ZNF676: variants seen among roughly 807,000 people sequenced by gnomAD.
The protein encoded by ZNF676 is zinc finger protein 676.
In ZNF676, 4 loss-of-function variants were observed where a neutral mutation model predicts 6.0. The ratio of observed to expected loss-of-function variants is 0.67; its 90% CI spans 0.33 to 1.53. The LOEUF is 1.53. Among genes scored for constraint, ZNF676 ranks in the 40% most tolerant of loss-of-function variants. ZNF676 has a pLI of 0.06. For missense variants in ZNF676, 644 were observed against 679.7 expected, an observed-to-expected ratio of 0.95 and a Z score of 0.58; for synonymous variants, 198 against 223.1, an observed-to-expected ratio of 0.89 and a Z score of 1.00.
chr19:22,237,223 T>C, the ZNF676 span, among the ~76,000 whole-genome samples: 1 of 152,158 alleles, frequency 6.6e-6, no homozygotes, highest in African/African-American at 2.4e-5. Flanking sequence ...TCCAGCTCAC[T>C]CACAGGGGGG....
In ZNF676 at chr19:22,190,668, T is replaced by TATAC. The variant is rs1233210246; in HGVS notation, c.130+2347_130+2348insGTAT. On this transcript the variant is annotated intron_variant, in intron 2 of 2. Coordinates refer to ENST00000397121, the MANE Select transcript of ZNF676 (RefSeq NM_001001411.3). ...ATATATATATATATATATATATACA[T>TATAC]ACACACTTTAAGATATATGGTCATA... Among the ~76,000 whole-genome samples, 310 of 93,690 alleles carry TATAC rather than the reference T, an allele frequency of 3.3e-3. 2 individuals carry two copies. The highest frequency in any genetic ancestry group is 0.014 in the African/African-American group (286 of 21,120). The allele number at this position is 93,690 out of a possible 152,430, so 61.5% of individuals were successfully genotyped here.
At chr19:22,226,741 C>A in the ZNF676 span, among the ~76,000 whole-genome samples, 1 of 151,822 alleles carries the variant, frequency 6.6e-6, no homozygotes, top group Non-Finnish European at 1.5e-5. Flanking sequence ...GGATTACAGG[C>A]ACTCACCACC....
rs1484200798 is a variant in ZNF676 at position 22,179,983 on chromosome 19, ATAAC to A, written c.1730_1733del (p.Ser577IlefsTer126). The stretch of plus-strand genomic sequence containing the variant: ...TCTCTCCAGTATGAATTTTCTTATG[ATAAC>A]TAACAGTTGAGGATGACTTAAAAGC... On this transcript the variant is annotated frameshift_variant, in exon 3 of 3. Transcript: ENST00000397121. LOFTEE classifies it low-confidence loss of function (END_TRUNC). 2.5e-6 allele frequency: 4 copies of A among 1,610,924 alleles called. No individual in the cohort carries two copies. The African/African-American group carries it at 4.1e-5, about 16-fold the overall frequency.
At chr19:22,196,454 G>C in intron 1 of ZNF676, 146 bp downstream of exon 1, 1 of 1,454,514 alleles carries the variant, frequency 6.9e-7, no homozygotes, top group Non-Finnish European at 9.4e-7. Flanking sequence ...CCAGAAGCAA[G>C]GAGTCCACGA....
chr19:22,213,787 C>T (rs1265231655), intron 1 of ZNF676, among the ~76,000 whole-genome samples: 4 of 152,280 alleles, frequency 2.6e-5, no homozygotes, highest in African/African-American at 9.6e-5. Context: ...CTGATATTCA[C>T]TAGATACTCT....
chr19:22,224,169 T>C, the ZNF676 span, among the ~76,000 whole-genome samples: 1 of 148,706 alleles, frequency 6.7e-6, no homozygotes, highest in Admixed American at 6.9e-5. Context: ...ATTTTTGTAA[T>C]GGTACATCAA....
At chr19:22,232,979 T>C in the ZNF676 span, among the ~76,000 whole-genome samples, 3 of 152,208 alleles carry the variant, frequency 2.0e-5, no homozygotes, top group East Asian at 5.8e-4. Context: ...AAATACCCAA[T>C]AATCTTCAAA....
the ZNF676 span, among the ~76,000 whole-genome samples, chr19:22,230,972 G>A: frequency 6.6e-6 from 1 of 151,378 alleles, no homozygotes; most frequent in Admixed American, 6.6e-5. Flanking sequence ...AAAAAAGGGG[G>A]GATTATTTTC....
In ZNF676 at chr19:22,196,834, A is replaced by C; in HGVS notation, c.-201T>G. 1 of 1,000,876 alleles carries C rather than the reference A, an allele frequency of 1.0e-6. No individual in the cohort carries two copies. Among genetic ancestry groups the C allele is most frequent in the South Asian group, 1.6e-5 (1 of 64,030 alleles). The allele number at this position is 1,000,876 out of a possible 1,614,324, so 62.0% of individuals were successfully genotyped here. On this transcript the variant is annotated 5_prime_UTR_variant, in exon 1 of 3. Transcript: ENST00000397121. ...GTAGAGAGAGCTGGTTCTGACTTAT[A>C]TGAATGACTGAAATTATTCAATAAA...
chr19:22,252,083 G>C, the ZNF676 span, among the ~76,000 whole-genome samples: 23 of 152,234 alleles, frequency 1.5e-4, no homozygotes, highest in African/African-American at 5.1e-4. Context: ...ACTTATAAAT[G>C]ATCCTTGTAA....
the ZNF676 span, among the ~76,000 whole-genome samples, chr19:22,252,838 C>T: frequency 6.6e-6 from 1 of 152,244 alleles, no homozygotes; most frequent in Admixed American, 6.5e-5. Context: ...GATGTCACTA[C>T]CCAGTCTGTG....
chr19:22,192,602 C>G (rs897657334), intron 2 of ZNF676, among the ~76,000 whole-genome samples: 14 of 151,828 alleles, frequency 9.2e-5, no homozygotes, highest in Admixed American at 6.6e-5. Flanking sequence ...GAAAAATGAA[C>G]CAAAAAAACC....
In ZNF676 at chr19:22,181,325, T is replaced by C. The variant is rs576145652; in HGVS notation, c.392A>G (p.His131Arg). ...TTTCTCTCCAGTATGCCTTATCTTA[T>C]GTCTGTTTGAATTTGAACATTTATG... ...VFHKCSNSNR[H>R]KIRHTGEKGL... The change falls in exon 3 of 3, where the codon CAT becomes CGT. Residue 131 changes from histidine (H) to arginine (R), a missense_variant. Physicochemically the swap from His to Arg is conservative, Grantham distance 29. Around this residue, in one of 5 missense-constraint regions of ZNF676, gnomAD observed 280 missense variants for 269.3 expected, o/e 1.04. Coordinates refer to ENST00000397121, the MANE Select transcript of ZNF676 (RefSeq NM_001001411.3). 5 of 1,613,802 alleles carry C rather than the reference T, an allele frequency of 3.1e-6. No homozygotes were observed. The highest frequency in any genetic ancestry group is 2.2e-5 in the East Asian group (1 of 44,836).
At chr19:22,233,070 G>A in the ZNF676 span, among the ~76,000 whole-genome samples, 1 of 152,128 alleles carries the variant, frequency 6.6e-6, no homozygotes, top group African/African-American at 2.4e-5. Flanking sequence ...AATTTGGTGT[G>A]AGTATAAAAG....
At chr19:22,190,652 T>TATATATAC (rs2023894330) in intron 2 of ZNF676, among the ~76,000 whole-genome samples, 2 of 124,528 alleles carry the variant, frequency 1.6e-5, no homozygotes, top group South Asian at 4.4e-4. Flanking sequence ...TATATATATA[T>TATATATAC]ATATATATAT....
chr19:22,206,038 T>C (rs2024072592), intron 1 of ZNF676, among the ~76,000 whole-genome samples: 1 of 138,734 alleles, frequency 7.2e-6, no homozygotes, highest in South Asian at 2.3e-4. Flanking sequence ...ATTGAACAAA[T>C]ACATCCTCCC....
the ZNF676 span, among the ~76,000 whole-genome samples, chr19:22,257,061 A>G: frequency 8.6e-3 from 1,306 of 152,270 alleles, 15 homozygotes; most frequent in African/African-American, 0.029. Context: ...TCCTGAGGGA[A>G]GAGTCCAAGC....
chr19:22,235,627 T>C, the ZNF676 span, among the ~76,000 whole-genome samples: 1 of 152,202 alleles, frequency 6.6e-6, no homozygotes, highest in Non-Finnish European at 1.5e-5. Flanking sequence ...AAATGTCTCA[T>C]GAATAAGTCT....
the ZNF676 span, among the ~76,000 whole-genome samples, chr19:22,252,089 T>C: frequency 6.6e-6 from 1 of 152,104 alleles, no homozygotes; most frequent in Non-Finnish European, 1.5e-5. Context: ...AAATGATCCT[T>C]GTAATATTGA....
Sources: allele counts gnomAD v4.1 joint callset (sites outside exome capture counted in the v4.1 genomes callset), GRCh38; gene constraint gnomAD v4.1.1; regional missense constraint gnomAD v4.1.1; transcripts MANE v1.5; gene names NCBI Gene and HGNC (gene_info 2026-07-23, HGNC 2026-07-21).